DCLRE1C: variants seen among roughly 807,000 people sequenced by gnomAD.
DCLRE1C encodes protein artemis.
In DCLRE1C, 47 loss-of-function variants were observed where a neutral mutation model predicts 61.4. That is an observed-to-expected ratio of 0.77 (90% CI 0.61 to 0.98). The LOEUF is 0.98. Among genes scored for constraint, DCLRE1C ranks in the 50% least tolerant of loss-of-function variants. DCLRE1C has a pLI of 0.00. For synonymous variants in DCLRE1C, 337 were observed against 287.6 expected (o/e 1.17, Z -1.74); for missense variants, 858 against 816.0 (o/e 1.05, Z -0.63).
chr10:14,947,002 A>G (rs1259149667), intron 2 of DCLRE1C, among the ~76,000 whole-genome samples: 1 of 152,146 alleles, frequency 6.6e-6, no homozygotes, highest in Non-Finnish European at 1.5e-5. Context: ...ACTTGAAGTC[A>G]GGAGTTTGAG....
At chr10:14,901,994 T>C (rs1034351014), downstream of DCLRE1C, among the ~76,000 whole-genome samples, 2 of 152,238 alleles carry the variant, frequency 1.3e-5, no homozygotes, top group Non-Finnish European at 2.9e-5. Flanking sequence ...TATAAATGTT[T>C]TCTTTCCTTT....
chr10:14,952,207 T>G (rs1285509283), intron 1 of DCLRE1C, among the ~76,000 whole-genome samples: 1 of 152,226 alleles, frequency 6.6e-6, no homozygotes, highest in East Asian at 1.9e-4. Context: ...CTAGCCCATT[T>G]TGAGTTCAGA....
At chr10:14,954,160 G>T (rs575909689), upstream of DCLRE1C, 287 of 1,363,668 alleles carry the variant, frequency 2.1e-4, no homozygotes, top group Middle Eastern at 1.3e-3. Context: ...TCCGGAGACC[G>T]GGGGCAAAGT....
At chr10:14,952,883 G>A (rs1374276972) in intron 1 of DCLRE1C, among the ~76,000 whole-genome samples, 1 of 152,190 alleles carries the variant, frequency 6.6e-6, no homozygotes, top group Non-Finnish European at 1.5e-5. Context: ...TAGTCCAAGT[G>A]ATTGATTCCA....
At chr10:14,909,928 A>G (rs780738376) in intron 13 of DCLRE1C, among the ~76,000 whole-genome samples, 2 of 152,256 alleles carry the variant, frequency 1.3e-5, no homozygotes, top group Non-Finnish European at 2.9e-5. Flanking sequence ...AACATTAATA[A>G]GCATGCTGTG....
chr10:14,928,478 T>A (rs1404511448), intron 9 of DCLRE1C, among the ~76,000 whole-genome samples: 1 of 152,076 alleles, frequency 6.6e-6, no homozygotes, highest in Non-Finnish European at 1.5e-5. Context: ...GATGCCCCTG[T>A]CCCCCTATTC....
chr10:14,939,243 T>G lies in DCLRE1C; in HGVS notation c.306+567A>C, dbSNP rs533333510. Reference sequence around the variant, plus strand: ...CTTGAGGTCAGGAGTTCAAGATGAGTCTGACCAACATGGTGAAACCCCTTC... The same window carrying G: ...CTTGAGGTCAGGAGTTCAAGATGAGGCTGACCAACATGGTGAAACCCCTTC... On this transcript the variant is annotated intron_variant, in intron 4 of 13. Coordinates refer to ENST00000378278, the MANE Select transcript of DCLRE1C (RefSeq NM_001033855.3). Among the ~76,000 whole-genome samples, 6 of 152,064 alleles carry G rather than the reference T, an allele frequency of 3.9e-5. No individual in the cohort carries two copies. The South Asian group carries it at 1.3e-3, about 32-fold the overall frequency.
chr10:14,912,665 G>A (rs1039556603), intron 13 of DCLRE1C, among the ~76,000 whole-genome samples: 5 of 152,104 alleles, frequency 3.3e-5, no homozygotes, highest in Non-Finnish European at 7.4e-5. Context: ...TAAAAGCCAG[G>A]CACAAAATAG....
At chr10:14,917,891 G>A (rs1836467126) in intron 13 of DCLRE1C, among the ~76,000 whole-genome samples, 1 of 152,118 alleles carries the variant, frequency 6.6e-6, no homozygotes, top group South Asian at 2.1e-4. Context: ...TACATGGATG[G>A]CAAATACGCA....
At chr10:14,900,880 GT>G (rs1265130191), downstream of DCLRE1C, among the ~76,000 whole-genome samples, 1 of 152,110 alleles carries the variant, frequency 6.6e-6, no homozygotes, top group Admixed American at 6.5e-5. Context: ...TGGCAAGCAT[GT>G]TACTAATTGT....
Position 14,898,600 on chromosome 10 carries a change from T to A in DCLRE1C, c.*564A>T, listed in dbSNP as rs1401259676. ...TTGTATAATCAAATTACTCTTTTTG[T>A]TAACCAAAATTTTTTAAGTTGCATT... On this transcript the variant is annotated 3_prime_UTR_variant, in exon 14 of 14. Coordinates refer to the DCLRE1C transcript ENST00000378289. 4 of 152,250 alleles carry A rather than the reference T, an allele frequency of 2.6e-5. No homozygotes were observed. The East Asian group carries it at 5.8e-4, about 22-fold the overall frequency. 9.4% of individuals were successfully genotyped at this position (152,250 alleles called of 1,614,324 possible).
chr10:14,906,956 C>T lies in DCLRE1C; in HGVS notation c.*1452G>A, dbSNP rs537383684. ...CACAATCAGCTCACTGCAGTTTCAACCTCCTGGGCTCAATCCATCCTGCCA... is the reference window on the plus strand; with the variant it reads ...CACAATCAGCTCACTGCAGTTTCAATCTCCTGGGCTCAATCCATCCTGCCA... On this transcript the variant is annotated 3_prime_UTR_variant, in exon 14 of 14. Transcript: ENST00000378278. Among the ~76,000 whole-genome samples, 7 of 152,050 alleles carry T rather than the reference C, an allele frequency of 4.6e-5. No individual in the cohort carries two copies. The East Asian group carries it at 1.2e-3, about 25-fold the overall frequency.
downstream of DCLRE1C, chr10:14,904,342 T>G (rs1211391885): frequency 1.3e-3 from 140 of 109,640 alleles, no homozygotes; most frequent in African/African-American, 6.1e-3. Context: ...TTTTTTTTTT[T>G]GCAGAATGTG....
At chr10:14,934,879 G>C (rs751111924) in intron 6 of DCLRE1C, 104 bp from the exon 7 acceptor site, 9 of 818,622 alleles carry the variant, frequency 1.1e-5, no homozygotes, top group Non-Finnish European at 1.9e-5. Flanking sequence ...CCAGGCTGAA[G>C]TGCAATGTCT....
At chr10:14,920,348 A>G in intron 12 of DCLRE1C, 1 of 1,025,558 alleles carries the variant, frequency 9.8e-7, no homozygotes. Flanking sequence ...AAATACAAAA[A>G]GGCAGAGAAA....
chr10:14,933,991 G>T (rs911605303), intron 8 of DCLRE1C, among the ~76,000 whole-genome samples: 2 of 152,124 alleles, frequency 1.3e-5, no homozygotes, highest in East Asian at 1.9e-4. Flanking sequence ...CAGGCGAGGA[G>T]GGGGAGGAAA....
intron 1 of DCLRE1C, among the ~76,000 whole-genome samples, chr10:14,953,098 G>A (rs774297559): frequency 2.6e-5 from 4 of 152,178 alleles, no homozygotes; most frequent in Non-Finnish European, 4.4e-5. Flanking sequence ...CAGTGATTCC[G>A]TTTATCATTT....
At chr10:14,945,578 C>G in intron 2 of DCLRE1C, 1 of 1,032,776 alleles carries the variant, frequency 9.7e-7, no homozygotes, top group Non-Finnish European at 1.2e-6. Context: ...GGAAAGATAC[C>G]GCCACACATT....
chr10:14,934,695 A>G lies in DCLRE1C; in HGVS notation c.537+8T>C. On this transcript the variant is annotated splice_region_variant and intron_variant, in intron 7 of 13. Transcript: ENST00000378278. ...AGATGATAACCCTGTTCCTCCAGGC[A>G]GACTTACCCGACTTGGAATTTGGTA... 1 of 1,613,712 alleles carries G rather than the reference A, an allele frequency of 6.2e-7. No homozygotes were observed. Among genetic ancestry groups the G allele is most frequent in the Non-Finnish European group, 8.5e-7 (1 of 1,179,580 alleles).
Sources: gnomAD v4.1 joint callset for allele counts (sites outside exome capture counted in the v4.1 genomes callset) on GRCh38, gnomAD v4.1.1 for gene constraint, MANE v1.5 for transcripts, NCBI Gene and HGNC (gene_info 2026-07-23, HGNC 2026-07-21) for gene names.